DLGAP2: variants seen among roughly 807,000 people sequenced by gnomAD.
DLGAP2 encodes the protein disks large-associated protein 2.
Under a neutral mutation model 100.3 loss-of-function variants are expected in DLGAP2, and 26 were observed. The ratio of observed to expected loss-of-function variants is 0.26; its 90% CI spans 0.19 to 0.36. The LOEUF is 0.36. Ranked by LOEUF, DLGAP2 falls within the 10% of genes least tolerant of loss-of-function variation. The pLI is 1.00. For missense variants in DLGAP2, 1,858 were observed against 1,453.2 expected (o/e 1.28, Z -4.53); for synonymous variants, 886 against 630.1 (o/e 1.41, Z -6.08).
chr8:1,303,126 G>A (rs1162068364), intron 3 of DLGAP2, among the ~76,000 whole-genome samples: 2 of 152,162 alleles, frequency 1.3e-5, no homozygotes, highest in East Asian at 1.9e-4. Context: ...GGTGGGGCGC[G>A]GTGGCTCACG....
At chr8:1,682,642 T>C (rs1490706935) in intron 12 of DLGAP2, among the ~76,000 whole-genome samples, 1 of 151,372 alleles carries the variant, frequency 6.6e-6, no homozygotes, top group East Asian at 1.9e-4. Context: ...ACCTGGCTAA[T>C]TTTGTATTTT....
chr8:1,331,658 TACGAC>T (rs1284550327), intron 3 of DLGAP2, among the ~76,000 whole-genome samples: 8 of 152,232 alleles, frequency 5.3e-5, no homozygotes, highest in Non-Finnish European at 7.3e-5. Flanking sequence ...ATCTTGGGTA[TACGAC>T]AAACGTGGTA....
chr8:1,206,902 GC>G (rs1345252374), intron 2 of DLGAP2, among the ~76,000 whole-genome samples: 3 of 151,940 alleles, frequency 2.0e-5, no homozygotes, highest in African/African-American at 7.3e-5. Flanking sequence ...TCTGCCCCCG[GC>G]CCCGTCTCCA....
chr8:1,414,562 A>T (rs890678316), intron 3 of DLGAP2, among the ~76,000 whole-genome samples: 7 of 152,142 alleles, frequency 4.6e-5, no homozygotes, highest in Admixed American at 3.9e-4. Flanking sequence ...CCCAGTGCAG[A>T]GTCCACACCA....
At chr8:1,292,441 A>C (rs994387978) in intron 3 of DLGAP2, among the ~76,000 whole-genome samples, 8 of 152,222 alleles carry the variant, frequency 5.3e-5, no homozygotes, top group African/African-American at 1.9e-4. Flanking sequence ...GTCTTTGGGC[A>C]GCTCAGAAGT....
At chr8:1,633,794 C>T (rs1306178965) in intron 8 of DLGAP2, among the ~76,000 whole-genome samples, 1 of 152,088 alleles carries the variant, frequency 6.6e-6, no homozygotes, top group African/African-American at 2.4e-5. Flanking sequence ...GTTCTGAATA[C>T]CAGAGGGCTT....
chr8:1,423,961 T>A (rs151064479), intron 3 of DLGAP2, among the ~76,000 whole-genome samples: 253 of 152,340 alleles, frequency 1.7e-3, no homozygotes, highest in African/African-American at 5.7e-3. Flanking sequence ...TGTACTCTTG[T>A]GATCAACTCA....
At chr8:997,896 A>G (rs762542538) in intron 2 of DLGAP2, among the ~76,000 whole-genome samples, 10 of 150,598 alleles carry the variant, frequency 6.6e-5, no homozygotes, top group African/African-American at 1.7e-4. Flanking sequence ...ATAAACACCC[A>G]TGCACATGCA....
intron 2 of DLGAP2, among the ~76,000 whole-genome samples, chr8:966,805 G>T (rs963101562): frequency 6.6e-6 from 1 of 152,198 alleles, no homozygotes; most frequent in East Asian, 1.9e-4. Flanking sequence ...TGTTAGGATG[G>T]TCAACCTTCT....
intron 1 of DLGAP2, among the ~76,000 whole-genome samples, chr8:872,904 G>T (rs1268897570): frequency 6.6e-6 from 1 of 152,142 alleles, no homozygotes; most frequent in Non-Finnish European, 1.5e-5. Context: ...CAGATACGCA[G>T]ATCCACGGAT....
rs1798574740 is a variant in DLGAP2, at chr8:1,233,269, T to C, written c.74-25582T>C. On this transcript the variant is annotated intron_variant, in intron 2 of 14. Coordinates refer to ENST00000637795, the MANE Select transcript of DLGAP2 (RefSeq NM_001346810.2). ...GCTGCTGTGAACATTTGTGTGAGCA[T>C]CCTGGATGCATTCCCCTACCTTTCA... Among the ~76,000 whole-genome samples, 3 of 152,232 alleles carry C rather than the reference T, an allele frequency of 2.0e-5. No individual in the cohort carries two copies. In the South Asian group the frequency reaches 6.2e-4, roughly 32 times the overall value.
At chr8:872,800 C>G (rs1457245017) in intron 1 of DLGAP2, among the ~76,000 whole-genome samples, 1 of 152,186 alleles carries the variant, frequency 6.6e-6, no homozygotes, top group African/African-American at 2.4e-5. Flanking sequence ...AAGCCCTGCA[C>G]TATTTAGGCA....
chr8:1,540,487 C>T (rs1009543936), intron 4 of DLGAP2, among the ~76,000 whole-genome samples: 7 of 152,178 alleles, frequency 4.6e-5, no homozygotes, highest in Admixed American at 2.0e-4. Flanking sequence ...CACAGAAGAT[C>T]TATCTAAAAC....
intron 1 of DLGAP2, among the ~76,000 whole-genome samples, chr8:892,641 C>G (rs1051530648): frequency 1.3e-5 from 2 of 152,184 alleles, no homozygotes; most frequent in Admixed American, 1.3e-4. Flanking sequence ...GGTAGGTCAG[C>G]TCCCTGGTCT....
At chr8:944,901 A>G (rs1799281452) in intron 2 of DLGAP2, among the ~76,000 whole-genome samples, 1 of 152,106 alleles carries the variant, frequency 6.6e-6, no homozygotes, top group African/African-American at 2.4e-5. Flanking sequence ...CAAACCCTGC[A>G]GGTGATCTGG....
intron 4 of DLGAP2, among the ~76,000 whole-genome samples, chr8:1,537,087 A>ATGTGGTGTGTGGTG (rs1165662904): frequency 1.6e-5 from 1 of 62,726 alleles, no homozygotes; most frequent in African/African-American, 7.2e-5. Context: ...GGTATGTGGT[A>ATGTGGTGTGTGGTG]TGTGGTGTGT....
Position 1,549,244 on chromosome 8 carries a change from A to G in DLGAP2, c.791A>G (p.Asp264Gly), listed in dbSNP as rs575206812. Residue 264 changes from aspartate (D) to glycine (G), a missense_variant, in exon 5 of 15, where the codon GAC becomes GGC. By Grantham distance (94) the Asp-to-Gly change is moderately conservative (BLOSUM62 -1). Coordinates refer to ENST00000637795, the MANE Select transcript of DLGAP2 (RefSeq NM_001346810.2). ...GGCACCAAGGCGGACGGCCGGGCGG[A>G]CGACCACCACCACGCCCACCACGCC... ...ANGTKADGRADDHHHAHHAKH... is the reference protein window; with the variant it reads ...ANGTKADGRAGDHHHAHHAKH... The G allele has an allele frequency of 5.0e-6, 8 of 1,608,112 alleles. No individual in the cohort carries two copies. The highest frequency in any genetic ancestry group is 1.3e-5 in the African/African-American group (1 of 74,958).
chr8:1,430,534 A>G (rs1797395171), intron 3 of DLGAP2, among the ~76,000 whole-genome samples: 1 of 152,194 alleles, frequency 6.6e-6, no homozygotes, highest in Non-Finnish European at 1.5e-5. Context: ...CCTTGTAGCT[A>G]AGGTGACTCA....
chr8:1,205,205 T>G (rs142438402), intron 2 of DLGAP2, among the ~76,000 whole-genome samples: 58 of 152,330 alleles, frequency 3.8e-4, no homozygotes, highest in Admixed American at 1.7e-3. Context: ...TTTTATTTTT[T>G]GTAACTGTAG....
Sources: allele counts gnomAD v4.1 joint callset (sites outside exome capture counted in the v4.1 genomes callset), GRCh38; gene constraint gnomAD v4.1.1; transcripts MANE v1.5; gene names NCBI Gene and HGNC (gene_info 2026-07-23, HGNC 2026-07-21).